Variants in THADA observed in about 807,000 individuals in gnomAD.
The protein encoded by THADA is tRNA (32-2'-O)-methyltransferase regulator THADA.
A neutral mutation model predicts 219.8 loss-of-function variants in THADA; 213 were observed. The observed-to-expected ratio is 0.97, with a 90% CI of 0.87 to 1.09. The LOEUF (loss-of-function observed/expected upper bound fraction) is 1.09, where lower values mean the gene tolerates loss of function less well. Among genes scored for constraint, THADA ranks in the 50% least tolerant of loss-of-function variants. The pLI, the probability that THADA is intolerant of heterozygous loss-of-function variation, is 0.00. For missense variants in THADA, 2,956 were observed against 2,311.3 expected (o/e 1.28, Z -5.72); for synonymous variants, 1,018 against 828.9 (o/e 1.23, Z -3.92).
chr2:43,262,705 G>A (rs542841145), intron 36 of THADA, among the ~76,000 whole-genome samples: 1 of 152,294 alleles, frequency 6.6e-6, no homozygotes, highest in Non-Finnish European at 1.5e-5. Context: ...ACTATAAAAT[G>A]TCTAACAAAC....
intron 26 of THADA, among the ~76,000 whole-genome samples, chr2:43,477,987 A>G (rs557195956): frequency 1.3e-5 from 2 of 152,334 alleles, no homozygotes; most frequent in East Asian, 1.9e-4. Flanking sequence ...AGACTGCTAC[A>G]TGGAGAATGG....
chr2:43,470,122 T>G (rs1684727476), intron 26 of THADA, among the ~76,000 whole-genome samples: 1 of 150,264 alleles, frequency 6.7e-6, no homozygotes, highest in Non-Finnish European at 1.5e-5. Flanking sequence ...GCAAGAGAAT[T>G]GCTTGAACCC....
At chr2:43,274,963 A>G (rs1423605577) in intron 36 of THADA, among the ~76,000 whole-genome samples, 1 of 150,846 alleles carries the variant, frequency 6.6e-6, no homozygotes, top group East Asian at 1.9e-4. Context: ...TATCAACTCA[A>G]GCAGAAACTG....
intron 3 of THADA, 133 bp from the exon 4 acceptor site, chr2:43,591,087 G>T: frequency 5.3e-6 from 4 of 756,280 alleles, no homozygotes; most frequent in Non-Finnish European, 8.2e-6. Flanking sequence ...TTGGGAGGCT[G>T]AGGTGGGCAG....
At chr2:43,430,401 G>A in intron 26 of THADA, 99 bp from the exon 27 acceptor site, 1 of 620,236 alleles carries the variant, frequency 1.6e-6, no homozygotes, top group Admixed American at 3.2e-5. Context: ...CGGTTGTTTG[G>A]ATATTTAATT....
rs756120732 is a variant in THADA at position 43,572,841 on chromosome 2, C to G, written c.1881G>C (p.Lys627Asn). ...WENLVSDARI[K>N]QGLIHQHCQV... is the part of the protein sequence containing the mutation. ...GGCAATGCTGATGAATTAAGCCTTG[C>G]TTTATTCTTGCATCAGACACGAGGT... The change falls in exon 12 of 38, where the codon AAG (lysine) becomes AAC (asparagine). Residue 627 changes from lysine (K) to asparagine (N), a missense_variant. Physicochemically the swap from Lys to Asn is moderately conservative, Grantham distance 94 (BLOSUM62 0). Transcript: ENST00000405975. The G allele has an allele frequency of 1.8e-5, 29 of 1,613,676 alleles. No individual in the cohort carries two copies. The highest frequency in any genetic ancestry group is 3.3e-4 in the Middle Eastern group (2 of 6,082).
At chr2:43,436,279 G>A (rs1680090231) in intron 26 of THADA, among the ~76,000 whole-genome samples, 1 of 152,126 alleles carries the variant, frequency 6.6e-6, no homozygotes, top group Non-Finnish European at 1.5e-5. Context: ...TTGACACCTG[G>A]GAAGAGACTA....
chr2:43,382,280 T>C (rs78215025), intron 29 of THADA, among the ~76,000 whole-genome samples: 12,618 of 152,236 alleles, frequency 0.083, 622 homozygotes, highest in South Asian at 0.18. Flanking sequence ...ATGACAAATG[T>C]TGCATACTAA....
At chr2:43,294,122 T>C (rs1050964161) in intron 31 of THADA, among the ~76,000 whole-genome samples, 3 of 152,232 alleles carry the variant, frequency 2.0e-5, no homozygotes, top group African/African-American at 7.2e-5. Context: ...AGCCCAAGTA[T>C]ATCCCTGTTA....
intron 17 of THADA, among the ~76,000 whole-genome samples, chr2:43,552,966 G>T (rs56304210): frequency 0.34 from 51,793 of 151,924 alleles, 9,142 homozygotes; most frequent in South Asian, 0.42. Context: ...TTGCCTGGAC[G>T]TCTCATATAA....
rs767791037 is a variant in THADA, at chr2:43,428,050, C to T, written c.4058+50G>A. 30 of 1,405,876 alleles carry T rather than the reference C, an allele frequency of 2.1e-5. 1 individual carries two copies. Among genetic ancestry groups the T allele is most frequent in the South Asian group, 1.9e-4 (12 of 63,496 alleles). The allele number at this position is 1,405,876 out of a possible 1,614,324, so 87.1% of individuals were successfully genotyped here. ...AAATAAGAAGAAGATAAAATATTCC[C>T]GTAAAACTCCCACGCCAACCTAGAC... On this transcript the variant is annotated intron_variant, in intron 28 of 37. Transcript: ENST00000405975.
intron 21 of THADA, among the ~76,000 whole-genome samples, chr2:43,537,467 G>C (rs1694757185): frequency 1.3e-5 from 2 of 152,188 alleles, no homozygotes. Context: ...CTTGCATTGA[G>C]TGCAATTCAA....
At chr2:43,238,118 CAAAAAAAAAAAAAAAAA>C (rs59802310) in intron 36 of THADA, among the ~76,000 whole-genome samples, 42 of 28,278 alleles carry the variant, frequency 1.5e-3, no homozygotes, top group Middle Eastern at 0.17. Context: ...GATTCCATCT[CAAAAAAAAAAAAAAAAA>C]AAAAAAAAAA....
chr2:43,570,626 C>T, intron 13 of THADA, 116 bp from the exon 14 acceptor site: 1 of 1,065,586 alleles, frequency 9.4e-7, no homozygotes, highest in Non-Finnish European at 1.3e-6. Flanking sequence ...GATTTTTAAG[C>T]TCTTAATATT....
At chr2:43,447,293 C>CCAAACCATAT (rs1215781387) in intron 26 of THADA, among the ~76,000 whole-genome samples, 1 of 152,092 alleles carries the variant, frequency 6.6e-6, no homozygotes, top group Non-Finnish European at 1.5e-5. Context: ...TCATATCAAG[C>CCAAACCATAT]CAAACCATAT....
chr2:43,467,181 CAA>C (rs70963399), intron 26 of THADA, among the ~76,000 whole-genome samples: 2,454 of 58,086 alleles, frequency 0.042, 18 homozygotes, highest in African/African-American at 0.11. Flanking sequence ...GACTCCGTCT[CAA>C]AAAAAAAAAA....
intron 22 of THADA, among the ~76,000 whole-genome samples, chr2:43,514,311 C>T (rs1198482537): frequency 6.7e-6 from 1 of 150,304 alleles, no homozygotes; most frequent in Non-Finnish European, 1.5e-5. Context: ...ATTAGCTGGG[C>T]ATGGTGGCAC....
rs544383458 is a variant in THADA, at chr2:43,491,282, A to G, written c.3745-5957T>C. On this transcript the variant is annotated intron_variant, in intron 25 of 37. Coordinates refer to ENST00000405975, the MANE Select transcript of THADA (RefSeq NM_022065.5). ...AATCATTGATAGCAATCTTAATGTG[A>G]GTAATACATTAGTAGTATTGGCAAT... Among the ~76,000 whole-genome samples, 3 of 152,344 alleles carry G rather than the reference A, an allele frequency of 2.0e-5. No homozygotes were observed. The South Asian group carries it at 6.2e-4, about 32-fold the overall frequency.
chr2:43,525,225 G>C (rs548329879), intron 22 of THADA, among the ~76,000 whole-genome samples: 1 of 152,286 alleles, frequency 6.6e-6, no homozygotes, highest in South Asian at 2.1e-4. Context: ...AAGCAACCAT[G>C]AACTCCCTAG....
Sources: allele counts gnomAD v4.1 joint callset (sites outside exome capture counted in the v4.1 genomes callset), GRCh38; gene constraint gnomAD v4.1.1; transcripts MANE v1.5; gene names NCBI Gene and HGNC (gene_info 2026-07-23, HGNC 2026-07-21).